The following INPP5A variants were observed in gnomAD, a reference collection of about 807,000 sequenced individuals.
INPP5A encodes 43 kDa inositol polyphosphate 5-phophatase.
In INPP5A, 14 loss-of-function variants were observed where a neutral mutation model predicts 65.2. The observed-to-expected ratio is 0.21, with a 90% CI of 0.14 to 0.34. The LOEUF (loss-of-function observed/expected upper bound fraction) is 0.34, where lower values mean the gene tolerates loss of function less well. INPP5A is among the 10% of genes least tolerant of loss of function. INPP5A has a pLI of 1.00. For synonymous variants in INPP5A, 207 were observed against 208.3 expected (o/e 0.99, Z 0.05); for missense variants, 431 against 545.6 (o/e 0.79, Z 2.09).
At position 132,644,740 on chromosome 10, in the gene INPP5A, C is replaced by T. The variant is rs1483822320; in HGVS notation, c.118-1128C>T. On this transcript the variant is annotated intron_variant, in intron 2 of 15. Coordinates refer to ENST00000368594, the MANE Select transcript of INPP5A (RefSeq NM_005539.5). The surrounding 1 kb of genome is among the most constrained non-coding windows in gnomAD (Gnocchi z 6.5). ...CAGAGAGCCCTGTCGGGGCTTGCTC[C>T]TTGGAAGCGCTGCGCATCCTGTGTT... Among the ~76,000 whole-genome samples the T allele has an allele frequency of 6.6e-6, 1 of 152,260 alleles. No homozygotes were observed. The highest frequency in any genetic ancestry group is 2.4e-5 in the African/African-American group (1 of 41,468).
chr10:132,662,194 C>T (rs989477458), intron 4 of INPP5A, among the ~76,000 whole-genome samples: 2 of 152,058 alleles, frequency 1.3e-5, no homozygotes, highest in African/African-American at 4.8e-5. Context: ...GCACTGCAGC[C>T]GTCGTGTTAG....
In INPP5A at chr10:132,780,949, G is replaced by T. The variant is rs766252861; in HGVS notation, c.1158+32G>T. 4 of 1,560,252 alleles carry T rather than the reference G, an allele frequency of 2.6e-6. No homozygotes were observed. The East Asian group carries it at 9.0e-5, about 35-fold the overall frequency. The stretch of plus-strand genomic sequence containing the variant: ...TAGACTGAGGTCCAGGGGCCAGGCT[G>T]GGGGACCAAGGGGAAGCTAGGGGGC... On this transcript the variant is annotated intron_variant, in intron 14 of 15. Transcript: ENST00000368594.
chr10:132,571,980 C>T (rs1034575903), intron 1 of INPP5A, among the ~76,000 whole-genome samples: 15 of 152,238 alleles, frequency 9.9e-5, no homozygotes, highest in Non-Finnish European at 2.1e-4. Context: ...CCCTCTGTCT[C>T]ACTGTTTCCT....
chr10:132,780,812 A>AC, intron 13 of INPP5A, 37 bp from the exon 14 acceptor site: 1 of 1,586,404 alleles, frequency 6.3e-7, no homozygotes, highest in Non-Finnish European at 8.7e-7. Flanking sequence ...AGGGTGCCCC[A>AC]CCTCCCCACA....
rs751836665 is a variant in INPP5A, at chr10:132,538,121, G to A, written c.25G>A (p.Gly9Ser). The A allele has an allele frequency of 1.1e-4, 134 of 1,241,580 alleles. No homozygotes were observed. The highest frequency in any genetic ancestry group is 1.2e-4 in the Non-Finnish European group (114 of 989,600). The allele number at this position is 1,241,580 out of a possible 1,614,324, so 76.9% of individuals were successfully genotyped here. A position where few individuals can be genotyped will look rare whatever the true frequency, so the allele number is the denominator to read the frequency against. ...CATGGCGGGGAAGGCGGCCGCCCCG[G>A]GCACCGCGGTGCTGCTGGTCACGGC... is the stretch of plus-strand genomic sequence containing the variant. Reference protein sequence around the residue: MAGKAAAPGTAVLLVTANV... With the variant: MAGKAAAPSTAVLLVTANV... The change falls in exon 1 of 16, where the codon GGC (glycine) becomes AGC (serine). Residue 9 changes from glycine to serine, a missense_variant. Coordinates refer to ENST00000368594, the MANE Select transcript of INPP5A (RefSeq NM_005539.5). The surrounding 1 kb of genome is among the most constrained non-coding windows in gnomAD (Gnocchi z 4.1).
chr10:132,749,342 T>C (rs1309343502), intron 9 of INPP5A, among the ~76,000 whole-genome samples, 175 bp from the exon 10 acceptor site: 1 of 151,576 alleles, frequency 6.6e-6, no homozygotes, highest in African/African-American at 2.4e-5. Flanking sequence ...CCTTCGCACG[T>C]GTGAGGGTCG....
chr10:132,598,322 T>G (rs973479769), intron 1 of INPP5A, among the ~76,000 whole-genome samples: 16 of 152,238 alleles, frequency 1.1e-4, no homozygotes. Context: ...TAATGTTGCA[T>G]AACCATCACT....
chr10:132,701,403 G>A (rs1036844483), intron 6 of INPP5A, among the ~76,000 whole-genome samples: 3 of 152,220 alleles, frequency 2.0e-5, no homozygotes, highest in East Asian at 1.9e-4. Context: ...TGAGGGCTTC[G>A]AAGGTGGCCG....
At position 132,645,963 on chromosome 10, in the gene INPP5A, C is replaced by T. The variant is rs570568882; in HGVS notation, c.213C>T (p.Phe71=). 2.5e-5 allele frequency: 40 copies of T among 1,611,608 alleles called. 1 individual carries two copies. Among genetic ancestry groups the T allele is most frequent in the South Asian group, 2.4e-4 (22 of 90,882 alleles). ...YEASMSHVDK[F]VKELLSSDAM... ...CCTCCATGTCCCACGTGGACAAGTTCGTCAAGTAAGTCTAGGGGCAGGTGC... is the reference window on the plus strand; with the variant it reads ...CCTCCATGTCCCACGTGGACAAGTTTGTCAAGTAAGTCTAGGGGCAGGTGC... Residue 71 remains phenylalanine (F), a synonymous_variant, in exon 3 of 16, where the codon TTC becomes TTT. Coordinates refer to ENST00000368594, the MANE Select transcript of INPP5A (RefSeq NM_005539.5).
At position 132,781,686 on chromosome 10, in the gene INPP5A, G is replaced by A. The variant is rs558374143; in HGVS notation, c.1159-175G>A. On this transcript the variant is annotated intron_variant, in intron 14 of 15. Transcript: ENST00000368594. The stretch of plus-strand genomic sequence containing the variant: ...CATTCACGGGGCCCCCAACCCCTGC[G>A]CTGCCGTGGCTGTGCACAAGGGCCG... Among the ~76,000 whole-genome samples the A allele has an allele frequency of 2.6e-4, 40 of 152,262 alleles. 1 individual carries two copies. The South Asian group carries it at 7.5e-3, about 28-fold the overall frequency.
At chr10:132,682,988 C>T (rs187267759) in intron 4 of INPP5A, among the ~76,000 whole-genome samples, 1 of 150,526 alleles carries the variant, frequency 6.6e-6, no homozygotes, top group African/African-American at 2.4e-5. Flanking sequence ...ATTTAATCCA[C>T]GTGTACACGT....
chr10:132,674,766 G>C lies in INPP5A; in HGVS notation c.307-15626G>C, dbSNP rs532098730. Among the ~76,000 whole-genome samples, 13 of 152,232 alleles carry C rather than the reference G, an allele frequency of 8.5e-5. No homozygotes were observed. The South Asian group carries it at 2.3e-3, about 27-fold the overall frequency. Reference sequence around the variant, plus strand: ...TGCAGTTCAGGTCACACGGTGACTTGATGACCCATAGACAAACGTTCAGTT... The same window carrying C: ...TGCAGTTCAGGTCACACGGTGACTTCATGACCCATAGACAAACGTTCAGTT... On this transcript the variant is annotated intron_variant, in intron 4 of 15. Coordinates refer to ENST00000368594, the MANE Select transcript of INPP5A (RefSeq NM_005539.5). The surrounding 1 kb of genome is among the most constrained non-coding windows in gnomAD (Gnocchi z 4.4).
At chr10:132,723,496 CG>C (rs1845925892) in intron 8 of INPP5A, among the ~76,000 whole-genome samples, 1 of 141,992 alleles carries the variant, frequency 7.0e-6, no homozygotes. Flanking sequence ...GGGGATTGGC[CG>C]TGTGGGGATT....
At chr10:132,775,557 A>C (rs919083318) in intron 12 of INPP5A, among the ~76,000 whole-genome samples, 1 of 152,088 alleles carries the variant, frequency 6.6e-6, no homozygotes, top group African/African-American at 2.4e-5. Context: ...GTTGGGGGCC[A>C]CAGGGAGCAC....
chr10:132,618,784 A>T (rs2072075783), intron 2 of INPP5A, among the ~76,000 whole-genome samples: 1 of 152,228 alleles, frequency 6.6e-6, no homozygotes, highest in Non-Finnish European at 1.5e-5. Context: ...TGAAAGCCAG[A>T]GCAAGAGAGA....
chr10:132,630,637 T>C (rs900405726), intron 2 of INPP5A, among the ~76,000 whole-genome samples: 8 of 145,480 alleles, frequency 5.5e-5, no homozygotes, highest in Admixed American at 2.8e-4. Flanking sequence ...AAGACATCCA[T>C]GAGGGGAAGA....
At position 132,712,258 on chromosome 10, in the gene INPP5A, A is replaced by G. The variant is rs559419298; in HGVS notation, c.647+1802A>G. On this transcript the variant is annotated intron_variant, in intron 8 of 15. Coordinates refer to ENST00000368594, the MANE Select transcript of INPP5A (RefSeq NM_005539.5). ...ACACCTTGTGTGCATGCAATTATGT[A>G]TGTAATTGTGTGTGTGCACACATGC... 1.0e-3 allele frequency among the ~76,000 whole-genome samples: 155 copies of G among 151,722 alleles called. 1 individual carries two copies. The highest frequency in any genetic ancestry group is 3.6e-3 in the African/African-American group (147 of 41,318).
chr10:132,663,587 G>A lies in INPP5A; in HGVS notation c.306+13082G>A, dbSNP rs570495116. On this transcript the variant is annotated intron_variant, in intron 4 of 15. Transcript: ENST00000368594. This position sits in a 1 kb window ranked among gnomAD's most constrained non-coding sequence, Gnocchi z 4.5. ...GAATGTAACATTATTCCCACTCAAT[G>A]AGTGATTTTGGTCGACGTTCACCTG... is the stretch of plus-strand genomic sequence containing the variant. Among the ~76,000 whole-genome samples, 1 of 152,346 alleles carries A rather than the reference G, an allele frequency of 6.6e-6. No individual in the cohort carries two copies. Among genetic ancestry groups the A allele is most frequent in the African/African-American group, 2.4e-5 (1 of 41,574 alleles).
chr10:132,558,326 T>C (rs2071155413), intron 1 of INPP5A, among the ~76,000 whole-genome samples: 1 of 152,204 alleles, frequency 6.6e-6, no homozygotes, highest in African/African-American at 2.4e-5. Flanking sequence ...CACGCTCTCC[T>C]GAGAGGCCAC....
Sources: gnomAD v4.1 joint callset for allele counts (sites outside exome capture counted in the v4.1 genomes callset) on GRCh38, gnomAD v4.1.1 for gene constraint, Gnocchi (gnomAD v3.1) non-coding constraint, MANE v1.5 for transcripts, NCBI Gene and HGNC (gene_info 2026-07-23, HGNC 2026-07-21) for gene names.